MAP2K5: variants seen among roughly 807,000 people sequenced by gnomAD.
MAP2K5 encodes dual specificity mitogen-activated protein kinase kinase 5.
A neutral mutation model predicts 83.1 loss-of-function variants in MAP2K5; 49 were observed. That is an observed-to-expected ratio of 0.59 (90% CI 0.47 to 0.75). The LOEUF is 0.75. Ranked by LOEUF, MAP2K5 falls within the 30% of genes least tolerant of loss-of-function variation. The pLI, the probability that MAP2K5 is intolerant of heterozygous loss-of-function variation, is 0.00. For missense variants in MAP2K5, 457 were observed against 557.5 expected, an observed-to-expected ratio of 0.82 and a Z score of 1.82; for synonymous variants, 202 against 191.8, an observed-to-expected ratio of 1.05 and a Z score of -0.44.
At position 67,785,609 on chromosome 15, in the gene MAP2K5, C is replaced by T. The variant is rs1276447384; in HGVS notation, c.1242+12857C>T. On this transcript the variant is annotated intron_variant, in intron 21 of 21. Coordinates refer to ENST00000178640, the MANE Select transcript of MAP2K5 (RefSeq NM_145160.3). This position sits in a 1 kb window ranked among gnomAD's most constrained non-coding sequence, Gnocchi z 4.4. ...GGGAAACAGCAAGGAGAAGACAACC[C>T]ACAGATGTCCACACCAACACAGGTG... is the stretch of plus-strand genomic sequence containing the variant. Among the ~76,000 whole-genome samples the T allele has an allele frequency of 1.3e-5, 2 of 152,140 alleles. No homozygotes were observed. The highest frequency in any genetic ancestry group is 2.4e-5 in the African/African-American group (1 of 41,430).
Position 67,748,207 on chromosome 15 carries a change from TAATTAC to T in MAP2K5, c.1075-22_1075-17del, listed in dbSNP as rs1566951039. ...GTGAGTCATTTTGATTATGACATGC[TAATTAC>T]ATATTGCCTTTTTTCAGATTCAGAA... is the stretch of plus-strand genomic sequence containing the variant. On this transcript the variant is annotated intron_variant, in intron 17 of 21. Transcript: ENST00000178640. The surrounding 1 kb of genome is among the most constrained non-coding windows in gnomAD (Gnocchi z 4.0). 1 of 1,574,290 alleles carries T rather than the reference TAATTAC, an allele frequency of 6.4e-7. No homozygotes were observed. Among genetic ancestry groups the T allele is most frequent in the Admixed American group, 1.7e-5 (1 of 59,854 alleles).
intron 8 of MAP2K5, chr15:67,628,104 A>G: frequency 1.3e-6 from 1 of 771,812 alleles, no homozygotes; most frequent in Non-Finnish European, 2.3e-6. Context: ...AGCTGTGGGA[A>G]CAAAGAGAGC....
At chr15:67,595,584 A>G (rs2085506811) in intron 7 of MAP2K5, among the ~76,000 whole-genome samples, 2 of 152,232 alleles carry the variant, frequency 1.3e-5, no homozygotes, top group African/African-American at 4.8e-5. Flanking sequence ...GTGTTGATCC[A>G]TAATTGAATT....
rs964734207 is a variant in MAP2K5, at chr15:67,736,266, G to A, written c.1074+8321G>A. 1.3e-5 allele frequency among the ~76,000 whole-genome samples: 2 copies of A among 152,234 alleles called. No homozygotes were observed. The highest frequency in any genetic ancestry group is 1.3e-4 in the Admixed American group (2 of 15,282). ...GGCTGATCTGAGGTTGGAAGTCATT[G>A]CATTTTAAGGTCTCTGCCCTTGAGG... On this transcript the variant is annotated intron_variant, in intron 17 of 21. Transcript: ENST00000178640. The surrounding 1 kb of genome is among the most constrained non-coding windows in gnomAD (Gnocchi z 4.3).
At chr15:67,687,947 A>G (rs2087997511) in intron 13 of MAP2K5, among the ~76,000 whole-genome samples, 1 of 152,020 alleles carries the variant, frequency 6.6e-6, no homozygotes, top group Admixed American at 6.6e-5. Flanking sequence ...AAATGTTAAG[A>G]AGAACACTGA....
chr15:67,774,804 A>T lies in MAP2K5; in HGVS notation c.1242+2052A>T, dbSNP rs888669004. Among the ~76,000 whole-genome samples, 19 of 152,228 alleles carry T rather than the reference A, an allele frequency of 1.2e-4. No individual in the cohort carries two copies. The highest frequency in any genetic ancestry group is 4.3e-4 in the African/African-American group (18 of 41,464). ...AAAAAGAGCAGTTTATCTCCCAAGC[A>T]TGGTAACTCCAGCCAGCAGGGTACC... is the stretch of plus-strand genomic sequence containing the variant. On this transcript the variant is annotated intron_variant, in intron 21 of 21. Coordinates refer to ENST00000178640, the MANE Select transcript of MAP2K5 (RefSeq NM_145160.3). This position sits in a 1 kb window ranked among gnomAD's most constrained non-coding sequence, Gnocchi z 4.9.
In MAP2K5 at chr15:67,782,316, A is replaced by AT. The variant is rs1405447275; in HGVS notation, c.1242+9565dup. Among the ~76,000 whole-genome samples, 5 of 152,348 alleles carry AT rather than the reference A, an allele frequency of 3.3e-5. No homozygotes were observed. Among genetic ancestry groups the AT allele is most frequent in the Middle Eastern group, 3.4e-3 (1 of 294 alleles). On this transcript the variant is annotated intron_variant, in intron 21 of 21. Coordinates refer to ENST00000178640, the MANE Select transcript of MAP2K5 (RefSeq NM_145160.3). This position sits in a 1 kb window ranked among gnomAD's most constrained non-coding sequence, Gnocchi z 4.9. ...ATTAGGGCCCCAGGGACAATGAGAGATAAACAACTGCAATTAAGGCAAATC... is the reference window on the plus strand; with the variant it reads ...ATTAGGGCCCCAGGGACAATGAGAGATTAAACAACTGCAATTAAGGCAAATC...
In MAP2K5 at chr15:67,677,257, C is replaced by T. The variant is rs796564006; in HGVS notation, c.847+12612C>T. Reference sequence around the variant, plus strand: ...GTTAAGGCTTAAGAGCTTTACTAGTCGAAGCCTCTAGTTTTGTGTCCTTGG... The same window carrying T: ...GTTAAGGCTTAAGAGCTTTACTAGTTGAAGCCTCTAGTTTTGTGTCCTTGG... On this transcript the variant is annotated intron_variant, in intron 13 of 21. Transcript: ENST00000178640. This position sits in a 1 kb window ranked among gnomAD's most constrained non-coding sequence, Gnocchi z 4.2. 5.3e-5 allele frequency among the ~76,000 whole-genome samples: 8 copies of T among 152,252 alleles called. No homozygotes were observed. The highest frequency in any genetic ancestry group is 9.6e-5 in the African/African-American group (4 of 41,544).
At chr15:67,556,076 G>A (rs1596553327) in intron 2 of MAP2K5, among the ~76,000 whole-genome samples, 1 of 152,176 alleles carries the variant, frequency 6.6e-6, no homozygotes, top group South Asian at 2.1e-4. Context: ...ATGAGCCACC[G>A]TACCTGGCCA....
In MAP2K5 at chr15:67,646,137, A is replaced by G. The variant is rs1027407978; in HGVS notation, c.586-94A>G. ...AAGAAGAAGGAGGTGGGGAAGAATA[A>G]AGGAACTACCATGTTTTTAGTTCTT... is the stretch of plus-strand genomic sequence containing the variant. On this transcript the variant is annotated intron_variant, in intron 9 of 21. Coordinates refer to ENST00000178640, the MANE Select transcript of MAP2K5 (RefSeq NM_145160.3). 3 of 572,714 alleles carry G rather than the reference A, an allele frequency of 5.2e-6. No individual in the cohort carries two copies. In the African/African-American group the frequency reaches 5.7e-5, roughly 11 times the overall value. 35.5% of individuals were successfully genotyped at this position (572,714 alleles called of 1,614,324 possible).
chr15:67,758,246 G>A lies in MAP2K5; in HGVS notation c.1134+9645G>A, dbSNP rs2089878564. Reference sequence around the variant, plus strand: ...AGGACAGCCTTAGCATGTTTGAAGGGTATTTAGGAGATGGAGCTAACTGCA... The same window carrying A: ...AGGACAGCCTTAGCATGTTTGAAGGATATTTAGGAGATGGAGCTAACTGCA... On this transcript the variant is annotated intron_variant, in intron 19 of 21. Transcript: ENST00000178640. The surrounding 1 kb of genome is among the most constrained non-coding windows in gnomAD (Gnocchi z 4.7). Among the ~76,000 whole-genome samples, 1 of 152,092 alleles carries A rather than the reference G, an allele frequency of 6.6e-6. No individual in the cohort carries two copies. Among genetic ancestry groups the A allele is most frequent in the Non-Finnish European group, 1.5e-5 (1 of 68,032 alleles).
intron 9 of MAP2K5, among the ~76,000 whole-genome samples, chr15:67,643,268 G>T (rs574821237): frequency 1.3e-5 from 2 of 152,142 alleles, no homozygotes; most frequent in Non-Finnish European, 1.5e-5. Flanking sequence ...TTATGCTATA[G>T]GATTGAACTG....
chr15:67,747,113 G>A lies in MAP2K5; in HGVS notation c.1075-1118G>A, dbSNP rs959915688. Among the ~76,000 whole-genome samples, 1 of 152,198 alleles carries A rather than the reference G, an allele frequency of 6.6e-6. No homozygotes were observed. The highest frequency in any genetic ancestry group is 6.5e-5 in the Admixed American group (1 of 15,288). ...CAGCACCACCACACCCTGGCGCTGA[G>A]GCCTCAGGCCCGGACACTGTCCTCT... On this transcript the variant is annotated intron_variant, in intron 17 of 21. Transcript: ENST00000178640. This position sits in a 1 kb window ranked among gnomAD's most constrained non-coding sequence, Gnocchi z 4.1.
At chr15:67,591,398 G>A (rs972581660) in intron 6 of MAP2K5, among the ~76,000 whole-genome samples, 4 of 150,970 alleles carry the variant, frequency 2.6e-5, no homozygotes, top group African/African-American at 9.7e-5. Context: ...TTATTGAGAT[G>A]GAGTCTCGCT....
intron 6 of MAP2K5, 73 bp from the exon 7 acceptor site, chr15:67,592,853 T>G: frequency 2.0e-6 from 2 of 1,005,554 alleles, no homozygotes; most frequent in Non-Finnish European, 3.1e-6. Flanking sequence ...AAAGGTGTAT[T>G]TCAGTCTGGA....
In MAP2K5 at chr15:67,562,352, T is replaced by C. The variant is rs541248000; in HGVS notation, c.185-931T>C. On this transcript the variant is annotated intron_variant, in intron 2 of 21. Transcript: ENST00000178640. The surrounding 1 kb of genome is among the most constrained non-coding windows in gnomAD (Gnocchi z 4.1). ...AAGTGATCAGGCCAACAATTTCATT[T>C]TGGGTTAAAAATGAGATTTAATATT... 6.6e-6 allele frequency among the ~76,000 whole-genome samples: 1 copy of C among 152,340 alleles called. No individual in the cohort carries two copies. The highest frequency in any genetic ancestry group is 1.9e-4 in the East Asian group (1 of 5,192).
chr15:67,734,304 A>G (rs1194591041), intron 17 of MAP2K5, among the ~76,000 whole-genome samples: 4 of 152,198 alleles, frequency 2.6e-5, no homozygotes, highest in African/African-American at 9.7e-5. Flanking sequence ...ATTTAAATGT[A>G]AGCAGCTTGT....
intron 13 of MAP2K5, among the ~76,000 whole-genome samples, chr15:67,681,284 A>G (rs1259309216): frequency 6.6e-6 from 1 of 152,246 alleles, no homozygotes; most frequent in Non-Finnish European, 1.5e-5. Context: ...GTCAGTGAGA[A>G]TTCAGGATTG....
In MAP2K5 at chr15:67,785,390, G is replaced by T. The variant is rs2090398957; in HGVS notation, c.1242+12638G>T. 6.6e-6 allele frequency among the ~76,000 whole-genome samples: 1 copy of T among 152,220 alleles called. No individual in the cohort carries two copies. ...AAAGCTGTTTGCGGTTCACATTGCA[G>T]CATGGCTACTTGTATCATTGCAGGC... On this transcript the variant is annotated intron_variant, in intron 21 of 21. Coordinates refer to ENST00000178640, the MANE Select transcript of MAP2K5 (RefSeq NM_145160.3). This position sits in a 1 kb window ranked among gnomAD's most constrained non-coding sequence, Gnocchi z 4.4.
Sources: allele counts gnomAD v4.1 joint callset (sites outside exome capture counted in the v4.1 genomes callset), GRCh38; gene constraint gnomAD v4.1.1; non-coding constraint Gnocchi (gnomAD v3.1); transcripts MANE v1.5; gene names NCBI Gene and HGNC (gene_info 2026-07-23, HGNC 2026-07-21).